The following CTSH variants were observed in gnomAD, a reference collection of about 807,000 sequenced individuals.
CTSH encodes pro-cathepsin H.
In CTSH, 52 loss-of-function variants were observed where a neutral mutation model predicts 56.3. The observed-to-expected ratio is 0.92, with a 90% confidence interval of 0.74 to 1.16. The LOEUF is 1.16. Among genes scored for constraint, CTSH ranks in the 50% most tolerant of loss-of-function variants. The pLI is 0.00. For missense variants in CTSH, 406 were observed against 424.5 expected (o/e 0.96, Z 0.38); for synonymous variants, 174 against 155.7 (o/e 1.12, Z -0.88).
intron 9 of CTSH, 119 bp downstream of exon 9, chr15:78,927,594 C>T (rs959350936): frequency 2.7e-5 from 23 of 861,440 alleles, no homozygotes; most frequent in East Asian, 9.8e-5. Flanking sequence ...AATATGAACT[C>T]GTCAAAGGGA....
intron 7 of CTSH, 139 bp downstream of exon 7, chr15:78,931,312 C>T (rs912273959): frequency 9.3e-7 from 1 of 1,075,120 alleles, no homozygotes; most frequent in Admixed American, 1.9e-5. Context: ...GTGACCACCC[C>T]TGTACAACAG....
rs769006889 is a variant in CTSH, at chr15:78,937,404, G to A, written c.143C>T (p.Thr48Met). 1.1e-5 allele frequency: 17 copies of A among 1,613,878 alleles called. No homozygotes were observed. The highest frequency in any genetic ancestry group is 8.0e-5 in the African/African-American group (6 of 74,916). ...CTGCAGCCTGTGGTGGTACTCCTCC[G>A]TACTGTAGGTCTTACGGTGCTAAAA... ...WMSKHRKTYSTEEYHHRLQTF... is the reference protein window; with the variant it reads ...WMSKHRKTYSMEEYHHRLQTF... Residue 48 changes from threonine to methionine, a missense_variant, in exon 3 of 12, where the codon ACG (threonine) becomes ATG (methionine). Coordinates refer to ENST00000220166, the MANE Select transcript of CTSH (RefSeq NM_004390.5).
chr15:78,931,646 A>G (rs2055063746), intron 6 of CTSH, 140 bp from the exon 7 acceptor site: 2 of 1,526,928 alleles, frequency 1.3e-6, no homozygotes, highest in Non-Finnish European at 1.8e-6. Flanking sequence ...TAAACTCCCC[A>G]AGGGCAGGGA....
At chr15:78,938,762 T>A (rs2055228710) in intron 2 of CTSH, among the ~76,000 whole-genome samples, 1 of 152,214 alleles carries the variant, frequency 6.6e-6, no homozygotes, top group African/African-American at 2.4e-5. Flanking sequence ...TCCTTTCTTT[T>A]GGATATATAC....
intron 5 of CTSH, among the ~76,000 whole-genome samples, chr15:78,933,186 G>A (rs1403698203): frequency 6.6e-6 from 1 of 152,230 alleles, no homozygotes; most frequent in African/African-American, 2.4e-5. Context: ...GGTGTGGGGG[G>A]CTGCAGCCTG....
intron 6 of CTSH, 54 bp downstream of exon 6, chr15:78,932,318 C>T: frequency 6.6e-7 from 1 of 1,517,364 alleles, no homozygotes; most frequent in Non-Finnish European, 9.2e-7. Flanking sequence ...CAGGCCTGGC[C>T]CACATCAGGA....
At position 78,939,149 on chromosome 15, in the gene CTSH, C is replaced by G; in HGVS notation, c.114G>C (p.Trp38Cys). 6.3e-7 allele frequency: 1 copy of G among 1,597,216 alleles called. No homozygotes were observed. The highest frequency in any genetic ancestry group is 8.5e-7 in the Non-Finnish European group (1 of 1,174,658). Residue 38 changes from tryptophan to cysteine, a missense_variant, in exon 2 of 12, where the codon TGG becomes TGC. Physicochemically the swap from Trp to Cys is radical, Grantham distance 215. Coordinates refer to ENST00000220166, the MANE Select transcript of CTSH (RefSeq NM_004390.5). ...GAAGTTGGGCACTGACCTTAGACAT[C>G]CATGACTTGAAGTGAAACTTCTCTG... ...NSLEKFHFKS[W>C]MSKHRKTYST... is the part of the protein sequence containing the mutation.
intron 6 of CTSH, 96 bp downstream of exon 6, chr15:78,932,276 C>T: frequency 5.3e-6 from 6 of 1,138,752 alleles, no homozygotes; most frequent in Non-Finnish European, 7.8e-6. Context: ...GAAACAGCAC[C>T]CTTAGCCAAT....
rs768559983 is a variant in CTSH at position 78,935,046 on chromosome 15, T to C, written c.337A>G (p.Thr113Ala). The change falls in exon 5 of 12, where the codon ACT becomes GCT. Residue 113 changes from threonine to alanine, a missense_variant. Physicochemically the swap from Thr to Ala is moderately conservative, Grantham distance 58. Transcript: ENST00000220166. ...TCCACGGAAGGTGGGTAGGGACCAG[T>C]ACCTCGAAGGTAGTTACTTTTGGTG... ...SATKSNYLRG[T>A]GPYPPSVDWR... The C allele has an allele frequency of 1.2e-6, 2 of 1,614,182 alleles. No individual in the cohort carries two copies. Among genetic ancestry groups the C allele is most frequent in the Non-Finnish European group, 1.7e-6 (2 of 1,180,000 alleles).
intron 3 of CTSH, among the ~76,000 whole-genome samples, chr15:78,936,171 TTTTC>T (rs1246039720): frequency 2.9e-5 from 4 of 137,302 alleles, no homozygotes; most frequent in Admixed American, 1.7e-4. Context: ...CTGCTTTTTC[TTTTC>T]TTTTCTTTTT....
chr15:78,936,180 C>CTT (rs66819363), intron 3 of CTSH, among the ~76,000 whole-genome samples: 7 of 90,856 alleles, frequency 7.7e-5, no homozygotes, highest in Admixed American at 1.2e-4. Context: ...CTTTTCTTTT[C>CTT]TTTTTTTTTT....
At chr15:78,936,604 C>G (rs1207660882) in intron 3 of CTSH, among the ~76,000 whole-genome samples, 1 of 151,948 alleles carries the variant, frequency 6.6e-6, no homozygotes, top group Non-Finnish European at 1.5e-5. Flanking sequence ...TCAGAGTCCT[C>G]AGAAAATACG....
intron 2 of CTSH, among the ~76,000 whole-genome samples, chr15:78,938,414 C>T (rs1596288316): frequency 6.6e-6 from 1 of 152,116 alleles, no homozygotes; most frequent in Admixed American, 6.6e-5. Context: ...TTATCTTCAT[C>T]CCTGCTTCCC....
intron 11 of CTSH, 24 bp from the exon 12 acceptor site, chr15:78,922,229 C>T (rs781138507): frequency 6.8e-5 from 106 of 1,557,272 alleles, no homozygotes; most frequent in Non-Finnish European, 8.3e-5. Flanking sequence ...GGAGCTGAGG[C>T]CCGGCCGGCG....
Position 78,925,425 on chromosome 15 carries a change from T to C in CTSH, c.715A>G (p.Met239Val). 6.2e-7 allele frequency: 1 copy of C among 1,613,302 alleles called. No homozygotes were observed. Among genetic ancestry groups the C allele is most frequent in the South Asian group, 1.1e-5 (1 of 91,066 alleles). ...TTGTAGAGGGCCACAGCCTCCACCATCGCTTCCTCGTCATACTGTGGAAAC... is the reference window on the plus strand; with the variant it reads ...TTGTAGAGGGCCACAGCCTCCACCACCGCTTCCTCGTCATACTGTGGAAAC... Reference protein sequence around the residue: ...ANITIYDEEAMVEAVALYNPV... With the variant: ...ANITIYDEEAVVEAVALYNPV... Residue 239 changes from methionine (M) to valine (V), a missense_variant, in exon 10 of 12, where the codon ATG becomes GTG. Physicochemically the swap from Met to Val is conservative, Grantham distance 21. Coordinates refer to ENST00000220166, the MANE Select transcript of CTSH (RefSeq NM_004390.5).
rs2054881617 is a variant in CTSH, at chr15:78,925,390, G to A, written c.750C>T (p.Ser250=). The A allele has an allele frequency of 1.2e-6, 2 of 1,614,014 alleles. No homozygotes were observed. The highest frequency in any genetic ancestry group is 1.3e-5 in the African/African-American group (1 of 75,048). The change falls in exon 10 of 12, where the codon AGC becomes AGT. Residue 250 remains serine, a synonymous_variant. Transcript: ENST00000220166. ...VEAVALYNPV[S]FAFEVTQDFM... Reference sequence around the variant, plus strand: ...AGTCCTGAGTCACCTCAAAGGCAAAGCTCACAGGGTTGTAGAGGGCCACAG... The same window carrying A: ...AGTCCTGAGTCACCTCAAAGGCAAAACTCACAGGGTTGTAGAGGGCCACAG...
At chr15:78,927,866 C>T (rs1472073844) in intron 8 of CTSH, 85 bp from the exon 9 acceptor site, 1 of 1,123,584 alleles carries the variant, frequency 8.9e-7, no homozygotes, top group South Asian at 1.3e-5. Context: ...ATTTACTAAA[C>T]AAAACAAGAT....
Position 78,939,254 on chromosome 15 carries a change from T to C in CTSH, c.92-83A>G. On this transcript the variant is annotated intron_variant, in intron 1 of 11. Coordinates refer to ENST00000220166, the MANE Select transcript of CTSH (RefSeq NM_004390.5). ...GCAAAGTAGGGCACTTTAGAACTGATTTGCATTTTCGAAAACTGGACTAAA... is the reference window on the plus strand; with the variant it reads ...GCAAAGTAGGGCACTTTAGAACTGACTTGCATTTTCGAAAACTGGACTAAA... The C allele has an allele frequency of 3.3e-6, 4 of 1,197,666 alleles. No individual in the cohort carries two copies. The South Asian group carries it at 4.3e-5, about 13-fold the overall frequency. The allele number at this position is 1,197,666 out of a possible 1,614,324, so 74.2% of individuals were successfully genotyped here.
chr15:78,942,534 A>T (rs1039676223), intron 1 of CTSH, among the ~76,000 whole-genome samples: 1 of 152,034 alleles, frequency 6.6e-6, no homozygotes, highest in Non-Finnish European at 1.5e-5. Flanking sequence ...TATTTTTAAG[A>T]CCTCATCAGT....
Sources: gnomAD v4.1 joint callset for allele counts (sites outside exome capture counted in the v4.1 genomes callset) on GRCh38, gnomAD v4.1.1 for gene constraint, MANE v1.5 for transcripts, NCBI Gene and HGNC (gene_info 2026-07-23, HGNC 2026-07-21) for gene names.